Variants in RGS22 observed in about 807,000 individuals in gnomAD.
RGS22 encodes the protein regulator of G protein signaling 22.
RGS22 carries 148 observed loss-of-function variants against 172.9 expected under a neutral mutation model. The observed-to-expected ratio is 0.86, with a 90% CI of 0.75 to 0.98. The LOEUF (loss-of-function observed/expected upper bound fraction) is 0.98, where lower values mean the gene tolerates loss of function less well. Ranked by LOEUF, RGS22 falls within the 50% of genes least tolerant of loss-of-function variation. The pLI is 0.00. For synonymous variants in RGS22, 458 were observed against 480.2 expected, an observed-to-expected ratio of 0.95 and a Z score of 0.60; for missense variants, 1,347 against 1,440.8, an observed-to-expected ratio of 0.93 and a Z score of 1.05.
intron 3 of RGS22, 171 bp downstream of exon 3, chr8:100,093,276 T>C (rs767758707): frequency 6.0e-6 from 3 of 498,244 alleles, no homozygotes; most frequent in African/African-American, 2.0e-5. Flanking sequence ...TTTCTAAATA[T>C]GATTCAAATC....
At chr8:100,095,756 T>C (rs989868865) in intron 2 of RGS22, among the ~76,000 whole-genome samples, 1 of 152,246 alleles carries the variant, frequency 6.6e-6, no homozygotes, top group African/African-American at 2.4e-5. Context: ...TTCCTAGGCA[T>C]TCAGTCATAT....
chr8:100,012,441 G>A (rs1453186948), intron 14 of RGS22, among the ~76,000 whole-genome samples: 1 of 152,120 alleles, frequency 6.6e-6, no homozygotes, highest in Admixed American at 6.5e-5. Context: ...AGCTGGCAGG[G>A]TGTGGTAGCT....
intron 24 of RGS22, 69 bp from the exon 25 acceptor site, chr8:99,963,047 T>G: frequency 8.1e-7 from 1 of 1,237,676 alleles, no homozygotes; most frequent in Non-Finnish European, 1.1e-6. Context: ...AGATAAGATG[T>G]CTTCTATCAG....
At chr8:100,055,401 T>C (rs551413166) in intron 9 of RGS22, among the ~76,000 whole-genome samples, 13 of 152,162 alleles carry the variant, frequency 8.5e-5, no homozygotes, top group Non-Finnish European at 1.3e-4. Flanking sequence ...GGTACCTCTA[T>C]GAGTTTGCAA....
chr8:100,052,846 G>A lies in RGS22; in HGVS notation c.1645C>T (p.Pro549Ser), dbSNP rs761916299. 5.6e-6 allele frequency: 9 copies of A among 1,613,944 alleles called. No individual in the cohort carries two copies. Among genetic ancestry groups the A allele is most frequent in the South Asian group, 1.1e-5 (1 of 91,082 alleles). Residue 549 changes from proline to serine, a missense_variant, in exon 10 of 28, where the codon CCA becomes TCA. Pro to Ser is a moderately conservative substitution (Grantham distance 74). Transcript: ENST00000360863. ...GGAATGCAAGATTTGGGTCTTAATG[G>A]CAAGAGGGTTGCCATTTGTGGAAAA... ...DPFPQMATLLPLRPKSCIPQI... is the reference protein window; with the variant it reads ...DPFPQMATLLSLRPKSCIPQI...
chr8:100,080,506 C>G, intron 3 of RGS22, 151 bp from the exon 4 acceptor site: 1 of 637,072 alleles, frequency 1.6e-6, no homozygotes, highest in Admixed American at 3.0e-5. Flanking sequence ...GCTAGGAAAT[C>G]CCTTGGGTAG....
chr8:99,993,294 C>T (rs1813968845), intron 20 of RGS22, among the ~76,000 whole-genome samples: 2 of 151,934 alleles, frequency 1.3e-5, no homozygotes, highest in South Asian at 4.2e-4. Context: ...GATAGAGACA[C>T]AAAAAACCCT....
chr8:100,075,095 AC>A (rs1811255501), intron 4 of RGS22, among the ~76,000 whole-genome samples: 1 of 151,990 alleles, frequency 6.6e-6, no homozygotes, highest in Admixed American at 6.6e-5. Flanking sequence ...TGTGAGTATA[AC>A]TTTTCATTTC....
intron 14 of RGS22, among the ~76,000 whole-genome samples, chr8:100,013,819 C>T (rs1047859395): frequency 3.9e-5 from 6 of 152,134 alleles, no homozygotes; most frequent in Non-Finnish European, 8.8e-5. Flanking sequence ...CTTTCTTACA[C>T]AATTGGGACT....
intron 14 of RGS22, among the ~76,000 whole-genome samples, chr8:100,016,240 A>T (rs1816931858): frequency 6.6e-6 from 1 of 152,236 alleles, no homozygotes; most frequent in Admixed American, 6.5e-5. Context: ...CCAAGAATAT[A>T]CAATTTAGAA....
At chr8:99,974,599 A>C (rs1453472260) in intron 23 of RGS22, among the ~76,000 whole-genome samples, 3 of 151,690 alleles carry the variant, frequency 2.0e-5, no homozygotes, top group Non-Finnish European at 4.4e-5. Context: ...GGAGTTCGAG[A>C]CCAGCCTGGC....
At chr8:100,056,562 C>G (rs1027295461) in intron 9 of RGS22, among the ~76,000 whole-genome samples, 1 of 152,116 alleles carries the variant, frequency 6.6e-6, no homozygotes, top group Admixed American at 6.5e-5. Flanking sequence ...GGACTTGGTG[C>G]CCTGTGTTCC....
Position 99,981,988 on chromosome 8 carries a change from C to A in RGS22, c.3309G>T (p.Lys1103Asn), listed in dbSNP as rs774037482. The change falls in exon 22 of 28, where the codon AAG (lysine) becomes AAT (asparagine). Residue 1103 changes from lysine (K) to asparagine (N), a missense_variant. Transcript: ENST00000360863. ...QIDIPVEQAQ[K>N]IIEHRKELGP... ...CTAACTCCTTCCGGTGTTCAATAAT[C>A]TTCTGGGCTTGCTCTACTGGAATGT... 3 of 1,614,012 alleles carry A rather than the reference C, an allele frequency of 1.9e-6. No individual in the cohort carries two copies. Among genetic ancestry groups the A allele is most frequent in the Non-Finnish European group, 1.7e-6 (2 of 1,179,942 alleles).
chr8:99,968,968 G>A (rs78350019), intron 23 of RGS22, among the ~76,000 whole-genome samples: 1 of 152,002 alleles, frequency 6.6e-6, no homozygotes, highest in South Asian at 2.1e-4. Flanking sequence ...AAATATTAGG[G>A]GCAGCCAGAG....
At chr8:100,005,963 G>T in intron 16 of RGS22, 54 bp downstream of exon 16, 1 of 1,327,596 alleles carries the variant, frequency 7.5e-7, no homozygotes, top group South Asian at 1.2e-5. Flanking sequence ...TACATAAAGT[G>T]GTAACCCTCT....
At chr8:99,970,538 A>G (rs1057478428) in intron 23 of RGS22, among the ~76,000 whole-genome samples, 2 of 152,222 alleles carry the variant, frequency 1.3e-5, no homozygotes, top group Non-Finnish European at 2.9e-5. Context: ...TAAAAATGAT[A>G]AAGGGGATAT....
At chr8:99,962,583 G>T in intron 26 of RGS22, 104 bp downstream of exon 26, 1 of 1,378,526 alleles carries the variant, frequency 7.3e-7, no homozygotes, top group Admixed American at 1.9e-5. Flanking sequence ...TGGAGGGGTC[G>T]GTCCTCACCC....
At chr8:100,030,841 A>G (rs1023943082) in intron 14 of RGS22, among the ~76,000 whole-genome samples, 2 of 152,216 alleles carry the variant, frequency 1.3e-5, no homozygotes, top group African/African-American at 4.8e-5. Flanking sequence ...CACAAAAAGC[A>G]ATAGCAAGCA....
chr8:100,102,730 A>T (rs533100090), intron 2 of RGS22, among the ~76,000 whole-genome samples: 1 of 152,350 alleles, frequency 6.6e-6, no homozygotes, highest in African/African-American at 2.4e-5. Flanking sequence ...GCAAGGAGAC[A>T]AGTGGGGTAT....
Sources: gnomAD v4.1 joint callset for allele counts (sites outside exome capture counted in the v4.1 genomes callset) on GRCh38, gnomAD v4.1.1 for gene constraint, MANE v1.5 for transcripts, NCBI Gene and HGNC (gene_info 2026-07-23, HGNC 2026-07-21) for gene names.